CD34: variants seen among roughly 807,000 people sequenced by gnomAD.
CD34 encodes CD34 molecule.
CD34 carries 34 observed loss-of-function variants against 40.1 expected under a neutral mutation model. The observed-to-expected ratio is 0.85, with a 90% CI of 0.65 to 1.13. The LOEUF (loss-of-function observed/expected upper bound fraction) is 1.13. CD34 is among the 50% of genes most tolerant of loss of function. The pLI is 0.00. For synonymous variants in CD34, 209 were observed against 190.0 expected, an observed-to-expected ratio of 1.10 and a Z score of -0.82; for missense variants, 426 against 466.9, an observed-to-expected ratio of 0.91 and a Z score of 0.81.
intron 1 of CD34, among the ~76,000 whole-genome samples, chr1:207,910,408 TTTTG>T (rs1044314765): frequency 2.0e-5 from 3 of 152,144 alleles, no homozygotes; most frequent in Non-Finnish European, 4.4e-5. Context: ...AATGCAAGGT[TTTTG>T]TTTGGTTGGT....
Position 207,888,761 on chromosome 1 carries a change from C to T in CD34, c.893G>A (p.Gly298Glu). 6.2e-7 allele frequency: 1 copy of T among 1,614,192 alleles called. No individual in the cohort carries two copies. The highest frequency in any genetic ancestry group is 8.5e-7 in the Non-Finnish European group (1 of 1,180,004). ...GATGCCCAAGACAGCCAGCAGGGCT[C>T]CCGAGGTGACCAGTGCAATCAGGGT... ...QKTLIALVTS[G>E]ALLAVLGITG... Residue 298 changes from glycine to glutamate, a missense_variant, in exon 7 of 8, where the codon GGA becomes GAA. Coordinates refer to ENST00000310833, the MANE Select transcript of CD34 (RefSeq NM_001025109.2).
At chr1:207,898,895 G>T in intron 3 of CD34, 78 bp downstream of exon 3, 2 of 1,449,368 alleles carry the variant, frequency 1.4e-6, no homozygotes, top group Non-Finnish European at 1.9e-6. Context: ...TGAGGAGAGG[G>T]GTGGAGGGAA....
In CD34 at chr1:207,898,281, G is replaced by A. The variant is rs182870611; in HGVS notation, c.516+692C>T. Among the ~76,000 whole-genome samples the A allele has an allele frequency of 2.2e-3, 332 of 152,236 alleles. 1 individual carries two copies. Among genetic ancestry groups the A allele is most frequent in the African/African-American group, 7.6e-3 (316 of 41,524 alleles). The stretch of plus-strand genomic sequence containing the variant: ...GCTGGTCTTGAACTCCTGACCTCAA[G>A]TGATCTGCCCACTTCAGGCTCCCAA... On this transcript the variant is annotated intron_variant, in intron 3 of 7. Coordinates refer to ENST00000310833, the MANE Select transcript of CD34 (RefSeq NM_001025109.2).
rs532307957 is a variant in CD34 at position 207,884,357 on chromosome 1, G to C, written c.*3381C>G. 8 of 152,308 alleles carry C rather than the reference G, an allele frequency of 5.3e-5. No homozygotes were observed. Among genetic ancestry groups the C allele is most frequent in the African/African-American group, 1.9e-4 (8 of 41,562 alleles). The allele number at this position is 152,308 out of a possible 1,614,324, so 9.4% of individuals were successfully genotyped here. On this transcript the variant is annotated 3_prime_UTR_variant, in exon 8 of 8. Coordinates refer to ENST00000310833, the MANE Select transcript of CD34 (RefSeq NM_001025109.2). ...ACTTACTGAGATGACATTGTTTACTGTCCTCTTCTGCTAGAATTATAAGCT... is the reference window on the plus strand; with the variant it reads ...ACTTACTGAGATGACATTGTTTACTCTCCTCTTCTGCTAGAATTATAAGCT...
rs1661835301 is a variant in CD34, at chr1:207,883,022, T to C, written c.*4716A>G. 6.6e-6 allele frequency: 1 copy of C among 152,196 alleles called. No homozygotes were observed. Among genetic ancestry groups the C allele is most frequent in the Non-Finnish European group, 1.5e-5 (1 of 68,040 alleles). The allele number at this position is 152,196 out of a possible 1,614,324, so 9.4% of individuals were successfully genotyped here. On this transcript the variant is annotated 3_prime_UTR_variant, in exon 8 of 8. Transcript: ENST00000310833. ...ATAGTACCTGGCTTATAATAAGCAC[T>C]CAAATATTTTTTGAATAAATGAATA...
intron 4 of CD34, chr1:207,890,065 T>C: frequency 7.7e-7 from 1 of 1,304,726 alleles, no homozygotes; most frequent in Non-Finnish European, 9.7e-7. Flanking sequence ...ATCTATAATA[T>C]ACACTCAGTG....
intron 4 of CD34, 90 bp from the exon 5 acceptor site, chr1:207,889,711 T>C: frequency 6.2e-7 from 1 of 1,604,986 alleles, no homozygotes; most frequent in Non-Finnish European, 8.5e-7. Context: ...AGTCATACTC[T>C]TACCCCGTCC....
intron 1 of CD34, among the ~76,000 whole-genome samples, chr1:207,903,137 C>A (rs760034689): frequency 6.6e-6 from 1 of 152,186 alleles, no homozygotes; most frequent in Non-Finnish European, 1.5e-5. Context: ...ATAAACACTG[C>A]GGCACAGCAG....
chr1:207,886,267 A>C lies in CD34; in HGVS notation c.*1471T>G, dbSNP rs954396685. On this transcript the variant is annotated 3_prime_UTR_variant, in exon 8 of 8. Coordinates refer to ENST00000310833, the MANE Select transcript of CD34 (RefSeq NM_001025109.2). ...GAAGGGTACAGCTCCTAAGAACCCA[A>C]CATACCACCCTCCATTTGGAAGCTC... The C allele has an allele frequency of 2.0e-5, 3 of 152,246 alleles. No individual in the cohort carries two copies. The highest frequency in any genetic ancestry group is 4.8e-5 in the African/African-American group (2 of 41,450). The allele number at this position is 152,246 out of a possible 1,614,324, so 9.4% of individuals were successfully genotyped here.
Position 207,884,302 on chromosome 1 carries a change from TA to T in CD34, c.*3435del, listed in dbSNP as rs992009425. On this transcript the variant is annotated 3_prime_UTR_variant, in exon 8 of 8. Coordinates refer to ENST00000310833, the MANE Select transcript of CD34 (RefSeq NM_001025109.2). ...TTCTCAATATATTTTATGTTTTTCA[TA>T]GCTCTCAATCCTGAAAACACATGTA... The T allele has an allele frequency of 6.6e-6, 1 of 152,286 alleles. No individual in the cohort carries two copies. The highest frequency in any genetic ancestry group is 2.4e-5 in the African/African-American group (1 of 41,480). 9.4% of individuals were successfully genotyped at this position (152,286 alleles called of 1,614,324 possible).
intron 4 of CD34, 77 bp from the exon 5 acceptor site, chr1:207,889,698 T>A (rs778239099): frequency 5.0e-6 from 8 of 1,608,058 alleles, no homozygotes; most frequent in Non-Finnish European, 6.8e-6. Flanking sequence ...AGTCTCTGAT[T>A]ACAGTCATAC....
intron 4 of CD34, among the ~76,000 whole-genome samples, chr1:207,892,907 C>G (rs555877085): frequency 6.6e-6 from 1 of 152,280 alleles, no homozygotes; most frequent in East Asian, 1.9e-4. Flanking sequence ...TCCCTCCACC[C>G]CTTGCACAGT....
intron 4 of CD34, among the ~76,000 whole-genome samples, chr1:207,894,060 A>G (rs1479534231): frequency 6.6e-6 from 1 of 152,228 alleles, no homozygotes; most frequent in Non-Finnish European, 1.5e-5. Context: ...ATATATCCCC[A>G]AAAGGACTCA....
At chr1:207,897,127 T>A (rs879710541) in intron 4 of CD34, among the ~76,000 whole-genome samples, 10 of 152,122 alleles carry the variant, frequency 6.6e-5, no homozygotes, top group Admixed American at 5.9e-4. Context: ...CTAGTTTATA[T>A]CTGGTGAGTG....
At chr1:207,898,030 C>CTTTT (rs1553262162) in intron 3 of CD34, among the ~76,000 whole-genome samples, 1 of 94,922 alleles carries the variant, frequency 1.1e-5, no homozygotes, top group Non-Finnish European at 2.1e-5. Flanking sequence ...CATTTTGGCT[C>CTTTT]TTTTATTTAT....
intron 1 of CD34, among the ~76,000 whole-genome samples, chr1:207,908,878 T>C (rs1229790743): frequency 6.6e-6 from 1 of 152,226 alleles, no homozygotes; most frequent in African/African-American, 2.4e-5. Context: ...AAGCTCTTTG[T>C]TGGGGTAAAT....
intron 4 of CD34, among the ~76,000 whole-genome samples, chr1:207,895,438 C>T (rs892999837): frequency 5.3e-5 from 8 of 152,088 alleles, no homozygotes; most frequent in African/African-American, 1.9e-4. Context: ...TATGAAGGGG[C>T]AGTGTGGATG....
At chr1:207,889,319 C>G in intron 5 of CD34, 106 bp from the exon 6 acceptor site, 1 of 1,577,976 alleles carries the variant, frequency 6.3e-7, no homozygotes, top group Non-Finnish European at 8.6e-7. Flanking sequence ...GGTGGTCCAT[C>G]TCGGGGGGAC....
At chr1:207,892,695 T>C (rs890600941) in intron 4 of CD34, among the ~76,000 whole-genome samples, 1 of 152,136 alleles carries the variant, frequency 6.6e-6, no homozygotes, top group Non-Finnish European at 1.5e-5. Context: ...CCATATCATC[T>C]AGAGTCTACA....
Sources: allele counts gnomAD v4.1 joint callset (sites outside exome capture counted in the v4.1 genomes callset), GRCh38; gene constraint gnomAD v4.1.1; transcripts MANE v1.5; gene names NCBI Gene and HGNC (gene_info 2026-07-23, HGNC 2026-07-21).